The following MKX variants were observed in gnomAD, a reference collection of about 807,000 sequenced individuals.
The protein encoded by MKX is homeobox protein Mohawk.
Under a neutral mutation model 36.0 loss-of-function variants are expected in MKX, and 13 were observed. The ratio of observed to expected loss-of-function variants is 0.36; its 90% CI spans 0.24 to 0.57. The LOEUF is 0.57. MKX is among the 20% of genes least tolerant of loss of function. The probability of loss-of-function intolerance (pLI) is 0.79; values close to 1 mark genes in which losing one functional copy is unlikely to be tolerated. For missense variants in MKX, 458 were observed against 456.4 expected (o/e 1.00, Z -0.03); for synonymous variants, 176 against 178.3 (o/e 0.99, Z 0.10).
intron 5 of MKX, among the ~76,000 whole-genome samples, chr10:27,716,852 C>T (rs1013917790): frequency 1.3e-5 from 2 of 152,062 alleles, no homozygotes; most frequent in East Asian, 1.9e-4. Context: ...GAATATGTTA[C>T]GTTCCATGTT....
At chr10:27,724,756 T>TACACACACACACAC (rs55968845) in intron 5 of MKX, among the ~76,000 whole-genome samples, 18 of 141,488 alleles carry the variant, frequency 1.3e-4, no homozygotes, top group South Asian at 4.6e-4. Context: ...TACTACTACC[T>TACACACACACACAC]ACACACACAC....
intron 5 of MKX, among the ~76,000 whole-genome samples, chr10:27,676,201 G>C (rs764507460): frequency 1.2e-4 from 18 of 151,848 alleles, no homozygotes; most frequent in Admixed American, 2.6e-4. Context: ...TTGAGCCCAG[G>C]GGGGTGAAGG....
At chr10:27,720,057 TTAA>T (rs1834342401) in intron 5 of MKX, among the ~76,000 whole-genome samples, 1 of 150,740 alleles carries the variant, frequency 6.6e-6, no homozygotes, top group South Asian at 2.1e-4. Flanking sequence ...GACCAAATTA[TTAA>T]TAATAATCTA....
intron 5 of MKX, among the ~76,000 whole-genome samples, chr10:27,678,012 T>C (rs558643168): frequency 1.2e-4 from 19 of 152,356 alleles, no homozygotes; most frequent in African/African-American, 4.6e-4. Context: ...AGAATGATCA[T>C]TTGTAATTTA....
chr10:27,680,383 A>AAAAAG (rs1554768913), intron 5 of MKX, among the ~76,000 whole-genome samples: 3 of 143,142 alleles, frequency 2.1e-5, no homozygotes, highest in Admixed American at 7.0e-5. Flanking sequence ...AAAAAAAAAA[A>AAAAAG]AGGTGTGTAG....
intron 5 of MKX, among the ~76,000 whole-genome samples, chr10:27,681,712 G>T (rs2132493028): frequency 1.3e-5 from 2 of 152,054 alleles, no homozygotes; most frequent in South Asian, 4.1e-4. Context: ...TTGAGGCCAG[G>T]AGTTCGAAAC....
In MKX at chr10:27,678,250, C is replaced by T. The variant is rs543507156; in HGVS notation, c.839-2696G>A. Among the ~76,000 whole-genome samples the T allele has an allele frequency of 4.6e-5, 7 of 152,150 alleles. No individual in the cohort carries two copies. The East Asian group carries it at 9.6e-4, about 21-fold the overall frequency. The stretch of plus-strand genomic sequence containing the variant: ...AGAACAGAGAACAAGTCAAGGCTTT[C>T]GTTTGGGAGAAGGAAAGCCAGCAAA... On this transcript the variant is annotated intron_variant, in intron 5 of 6. Coordinates refer to ENST00000419761, the MANE Select transcript of MKX (RefSeq NM_173576.3).
At position 27,699,438 on chromosome 10, in the gene MKX, C is replaced by T. The variant is rs867259563; in HGVS notation, c.839-23884G>A. On this transcript the variant is annotated intron_variant, in intron 5 of 6. Transcript: ENST00000419761. ...AGTGCAAAGAAGTTAATGAGAATTT[C>T]TATTGAAAACCAAAAGTTAATGACA... 3.3e-5 allele frequency among the ~76,000 whole-genome samples: 5 copies of T among 152,176 alleles called. No homozygotes were observed. The South Asian group carries it at 1.0e-3, about 31-fold the overall frequency.
In MKX at chr10:27,744,221, C is replaced by T. The variant is rs1399966660; in HGVS notation, c.-82-724G>A. 1.3e-5 allele frequency among the ~76,000 whole-genome samples: 2 copies of T among 152,072 alleles called. No homozygotes were observed. Among genetic ancestry groups the T allele is most frequent in the Non-Finnish European group, 2.9e-5 (2 of 68,008 alleles). ...ATCCCCCAACGCGCCCCGGGAAGTG[C>T]ATGGTCCTAAGGTCCAAGGCGCCAG... On this transcript the variant is annotated intron_variant, in intron 1 of 6. Coordinates refer to ENST00000419761, the MANE Select transcript of MKX (RefSeq NM_173576.3). This position sits in a 1 kb window ranked among gnomAD's most constrained non-coding sequence, Gnocchi z 5.6.
chr10:27,731,895 T>C (rs1409049426), intron 5 of MKX, among the ~76,000 whole-genome samples: 1 of 152,212 alleles, frequency 6.6e-6, no homozygotes, highest in African/African-American at 2.4e-5. Context: ...ATCTAATCTA[T>C]GTTTTTACCA....
intron 5 of MKX, among the ~76,000 whole-genome samples, chr10:27,714,936 G>A (rs996043311): frequency 2.0e-5 from 3 of 152,288 alleles, no homozygotes; most frequent in South Asian, 2.1e-4. Flanking sequence ...TACAGGCAGG[G>A]GCAGTGACTG....
chr10:27,684,041 CA>C (rs1444231366), intron 5 of MKX, among the ~76,000 whole-genome samples: 1 of 152,144 alleles, frequency 6.6e-6, no homozygotes, highest in Non-Finnish European at 1.5e-5. Context: ...TGGCTGGATA[CA>C]GCAGCTTATG....
intron 5 of MKX, among the ~76,000 whole-genome samples, chr10:27,711,472 TTTC>T (rs1836859018): frequency 1.5e-4 from 1 of 6,800 alleles, no homozygotes; most frequent in Admixed American, 1.4e-3. Flanking sequence ...TCTTTCTTTC[TTTC>T]TTTCTTTCTC....
chr10:27,694,525 A>ATAT (rs1554770429), intron 5 of MKX, among the ~76,000 whole-genome samples: 6 of 30,578 alleles, frequency 2.0e-4, no homozygotes, highest in African/African-American at 4.4e-4. Flanking sequence ...CTAAAAAAAA[A>ATAT]AAATATATAT....
intron 5 of MKX, among the ~76,000 whole-genome samples, chr10:27,689,597 G>A (rs190270838): frequency 1.0e-3 from 155 of 152,232 alleles, no homozygotes; most frequent in African/African-American, 3.3e-3. Context: ...GCATAAAGGC[G>A]GGGTAAAACT....
At chr10:27,721,636 A>AG (rs1564361044) in intron 5 of MKX, among the ~76,000 whole-genome samples, 1 of 152,120 alleles carries the variant, frequency 6.6e-6, no homozygotes, top group Admixed American at 6.6e-5. Context: ...GGGGAGATCA[A>AG]GGGGAGGGAA....
At chr10:27,681,603 T>A (rs1836256211) in intron 5 of MKX, among the ~76,000 whole-genome samples, 1 of 152,134 alleles carries the variant, frequency 6.6e-6, no homozygotes, top group African/African-American at 2.4e-5. Flanking sequence ...TATTTGAGAG[T>A]GTGCTCCTTC....
At chr10:27,722,651 A>C (rs1201085646) in intron 5 of MKX, among the ~76,000 whole-genome samples, 1 of 152,158 alleles carries the variant, frequency 6.6e-6, no homozygotes, top group Non-Finnish European at 1.5e-5. Flanking sequence ...CAAGTGGATA[A>C]TTTCGTGTAG....
rs1284450406 is a variant in MKX at position 27,744,226 on chromosome 10, T to G, written c.-82-729A>C. Among the ~76,000 whole-genome samples the G allele has an allele frequency of 1.3e-5, 2 of 151,930 alleles. No homozygotes were observed. The highest frequency in any genetic ancestry group is 4.8e-5 in the African/African-American group (2 of 41,362). On this transcript the variant is annotated intron_variant, in intron 1 of 6. Transcript: ENST00000419761. This position sits in a 1 kb window ranked among gnomAD's most constrained non-coding sequence, Gnocchi z 5.6. ...CCAACGCGCCCCGGGAAGTGCATGG[T>G]CCTAAGGTCCAAGGCGCCAGGACCC...
Sources: gnomAD v4.1 joint callset for allele counts (sites outside exome capture counted in the v4.1 genomes callset) on GRCh38, gnomAD v4.1.1 for gene constraint, Gnocchi (gnomAD v3.1) non-coding constraint, MANE v1.5 for transcripts, NCBI Gene and HGNC (gene_info 2026-07-23, HGNC 2026-07-21) for gene names.